Variants in ROR1 observed in about 807,000 individuals in gnomAD.
ROR1 encodes the protein ROR family WNT receptor 1.
Under a neutral mutation model 78.8 loss-of-function variants are expected in ROR1, and 19 were observed. The observed-to-expected ratio is 0.24, with a 90% CI of 0.17 to 0.35. The LOEUF is 0.35. Ranked by LOEUF, ROR1 falls within the 10% of genes least tolerant of loss-of-function variation. The pLI is 1.00. For synonymous variants in ROR1, 386 were observed against 433.6 expected, an observed-to-expected ratio of 0.89 and a Z score of 1.36; for missense variants, 917 against 1,177.8, an observed-to-expected ratio of 0.78 and a Z score of 3.24.
chr1:63,958,254 A>G (rs1362243046), intron 1 of ROR1, among the ~76,000 whole-genome samples: 1 of 152,088 alleles, frequency 6.6e-6, no homozygotes, highest in Non-Finnish European at 1.5e-5. Context: ...AAATTTCCTT[A>G]CTTGTCACCT....
At chr1:63,783,181 C>G (rs1644663861) in intron 1 of ROR1, among the ~76,000 whole-genome samples, 2 of 152,024 alleles carry the variant, frequency 1.3e-5, no homozygotes, top group East Asian at 1.9e-4. Flanking sequence ...TTGAATGAAG[C>G]CTGTTGTGTT....
intron 7 of ROR1, among the ~76,000 whole-genome samples, chr1:64,151,550 A>G (rs532707455): frequency 2.6e-5 from 4 of 152,234 alleles, no homozygotes; most frequent in Non-Finnish European, 4.4e-5. Context: ...AAATCGCTTC[A>G]TAAGAGTCAG....
chr1:63,847,798 T>A (rs894743273), intron 1 of ROR1, among the ~76,000 whole-genome samples: 20 of 152,348 alleles, frequency 1.3e-4, no homozygotes, highest in African/African-American at 4.8e-4. Context: ...CACCTTTGTT[T>A]GAGGCTTTGA....
chr1:64,006,312 T>C (rs1453471126), intron 1 of ROR1, among the ~76,000 whole-genome samples: 1 of 152,120 alleles, frequency 6.6e-6, no homozygotes, highest in Non-Finnish European at 1.5e-5. Context: ...ATTCCCAAGC[T>C]CCCTGAAGTC....
chr1:64,006,111 A>G (rs529379764), intron 1 of ROR1, among the ~76,000 whole-genome samples: 1 of 152,326 alleles, frequency 6.6e-6, no homozygotes, highest in Admixed American at 6.5e-5. Context: ...AGCTTGGAAA[A>G]ACCAAGTGAC....
intron 1 of ROR1, among the ~76,000 whole-genome samples, chr1:63,966,671 C>G (rs190521057): frequency 6.6e-6 from 1 of 152,236 alleles, no homozygotes; most frequent in African/African-American, 2.4e-5. Flanking sequence ...CTTAGAGCTT[C>G]CTGTTTCTTT....
intron 1 of ROR1, among the ~76,000 whole-genome samples, chr1:63,869,385 T>G (rs1305246632): frequency 6.6e-6 from 1 of 152,226 alleles, no homozygotes; most frequent in East Asian, 1.9e-4. Flanking sequence ...CAGCTCATTG[T>G]GACTGGGCCA....
chr1:63,866,679 C>T (rs1645217337), intron 1 of ROR1, among the ~76,000 whole-genome samples: 2 of 151,798 alleles, frequency 1.3e-5, no homozygotes, highest in Admixed American at 6.6e-5. Flanking sequence ...AAAAAAGTAT[C>T]TTTCATTAGA....
chr1:63,873,597 C>T (rs1645265816), intron 1 of ROR1, among the ~76,000 whole-genome samples: 1 of 152,104 alleles, frequency 6.6e-6, no homozygotes, highest in South Asian at 2.1e-4. Flanking sequence ...AAAAGTATCA[C>T]TAAAAACTCA....
At chr1:64,136,487 G>A (rs1649105926) in intron 4 of ROR1, among the ~76,000 whole-genome samples, 1 of 151,752 alleles carries the variant, frequency 6.6e-6, no homozygotes, top group African/African-American at 2.4e-5. Context: ...TTCTGCACTC[G>A]AGGGATCTTG....
chr1:63,817,435 A>C (rs1644899063), intron 1 of ROR1, among the ~76,000 whole-genome samples: 1 of 152,218 alleles, frequency 6.6e-6, no homozygotes, highest in African/African-American at 2.4e-5. Context: ...GTGTTTTGGA[A>C]GATTCAAGTT....
At chr1:64,115,814 C>T (rs1450823525) in intron 4 of ROR1, among the ~76,000 whole-genome samples, 2 of 152,118 alleles carry the variant, frequency 1.3e-5, no homozygotes, top group East Asian at 3.9e-4. Flanking sequence ...GCTTCATTCT[C>T]TAAACCTCAG....
rs1288542942 is a variant in ROR1, at chr1:64,137,361, T to C, written c.483-8T>C. 6.2e-7 allele frequency: 1 copy of C among 1,613,840 alleles called. No homozygotes were observed. Among genetic ancestry groups the C allele is most frequent in the Non-Finnish European group, 8.5e-7 (1 of 1,179,830 alleles). ...CATCAGCTAATGTCTGTCTATGCTT[T>C]CTTTCAGAGATGAGTATGAAGAAGA... On this transcript the variant is annotated splice_region_variant and splice_polypyrimidine_tract_variant and intron_variant, in intron 4 of 8. Transcript: ENST00000371079.
chr1:64,088,992 A>T (rs1647174953), intron 4 of ROR1, among the ~76,000 whole-genome samples: 1 of 151,712 alleles, frequency 6.6e-6, no homozygotes, highest in African/African-American at 2.4e-5. Context: ...TTTTTTAAGA[A>T]TTTTTTTTAC....
At chr1:63,996,555 T>G (rs1035085967) in intron 1 of ROR1, among the ~76,000 whole-genome samples, 1 of 152,208 alleles carries the variant, frequency 6.6e-6, no homozygotes, top group Non-Finnish European at 1.5e-5. Context: ...ATAGTAATCC[T>G]CTTAAATTTA....
intron 1 of ROR1, among the ~76,000 whole-genome samples, chr1:63,869,714 C>T (rs1024864708): frequency 1.3e-5 from 2 of 152,218 alleles, no homozygotes; most frequent in African/African-American, 4.8e-5. Context: ...CAAAACAACA[C>T]TCATGGAAGT....
intron 1 of ROR1, among the ~76,000 whole-genome samples, chr1:63,827,284 G>A (rs1208638514): frequency 6.6e-6 from 1 of 152,110 alleles, no homozygotes; most frequent in Non-Finnish European, 1.5e-5. Context: ...AAGCTCTTTA[G>A]TTTAATTAGA....
At chr1:64,158,644 T>A (rs77713163) in intron 7 of ROR1, among the ~76,000 whole-genome samples, 1 of 152,186 alleles carries the variant, frequency 6.6e-6, no homozygotes, top group African/African-American at 2.4e-5. Flanking sequence ...ATGTATACAG[T>A]CCATTCACGT....
chr1:64,069,918 G>A (rs946617315), intron 4 of ROR1, among the ~76,000 whole-genome samples: 2 of 152,092 alleles, frequency 1.3e-5, no homozygotes, highest in Non-Finnish European at 2.9e-5. Context: ...TCACAGTGTG[G>A]TATGATCCTT....
Sources: gnomAD v4.1 joint callset for allele counts (sites outside exome capture counted in the v4.1 genomes callset) on GRCh38, gnomAD v4.1.1 for gene constraint, MANE v1.5 for transcripts, NCBI Gene and HGNC (gene_info 2026-07-23, HGNC 2026-07-21) for gene names.